Variants in ROCK1 observed in about 807,000 individuals in gnomAD.
ROCK1 encodes Rho associated coiled-coil containing protein kinase 1, also known as rho-associated protein kinase 1.
In ROCK1, 36 loss-of-function variants were observed where a neutral mutation model predicts 196.8. That is an observed-to-expected ratio of 0.18 (90% CI 0.14 to 0.24). The LOEUF (loss-of-function observed/expected upper bound fraction) is 0.24, where lower values mean the gene tolerates loss of function less well. ROCK1 is among the 10% of genes least tolerant of loss of function. The probability of loss-of-function intolerance (pLI) is 1.00; values close to 1 mark genes in which losing one functional copy is unlikely to be tolerated. For synonymous variants in ROCK1, 443 were observed against 515.9 expected (o/e 0.86, Z 1.91); for missense variants, 920 against 1,562.0 (o/e 0.59, Z 6.93).
intron 16 of ROCK1, among the ~76,000 whole-genome samples, chr18:20,997,930 G>A (rs760677908): frequency 2.0e-5 from 3 of 151,052 alleles, no homozygotes; most frequent in African/African-American, 4.9e-5. Flanking sequence ...TCCGACTCCC[G>A]GGTTCAAGCG....
chr18:20,974,174 A>C (rs1276924816), intron 22 of ROCK1, among the ~76,000 whole-genome samples: 1 of 152,190 alleles, frequency 6.6e-6, no homozygotes, highest in East Asian at 1.9e-4. Context: ...ATGGTGGTGA[A>C]AGAGAATAGA....
intron 22 of ROCK1, among the ~76,000 whole-genome samples, chr18:20,976,012 AT>A (rs897774712): frequency 3.9e-5 from 6 of 152,090 alleles, no homozygotes; most frequent in Non-Finnish European, 8.8e-5. Context: ...TTGGTAGCTT[AT>A]TGGTTTCCCT....
At chr18:21,012,125 AT>A (rs2035824635) in intron 13 of ROCK1, among the ~76,000 whole-genome samples, 1 of 151,914 alleles carries the variant, frequency 6.6e-6, no homozygotes, top group South Asian at 2.1e-4. Flanking sequence ...TTTTTTTTGT[AT>A]TTTTAGTAAA....
intron 2 of ROCK1, among the ~76,000 whole-genome samples, chr18:21,051,479 A>G (rs1402070264): frequency 2.0e-5 from 3 of 152,052 alleles, no homozygotes; most frequent in Non-Finnish European, 4.4e-5. Flanking sequence ...CAAGTGAACA[A>G]TATAAGCAGA....
chr18:20,956,934 A>G (rs1261051856), intron 29 of ROCK1, among the ~76,000 whole-genome samples: 2 of 152,228 alleles, frequency 1.3e-5, no homozygotes, highest in Non-Finnish European at 2.9e-5. Context: ...ATTATTAGTT[A>G]TGAGGAGAAT....
intron 2 of ROCK1, among the ~76,000 whole-genome samples, chr18:21,060,045 G>A (rs2036275469): frequency 6.6e-6 from 1 of 152,200 alleles, no homozygotes; most frequent in South Asian, 2.1e-4. Context: ...GGAGAGAAAT[G>A]GAGACTGACT....
At chr18:21,088,879 C>T (rs909856933) in intron 1 of ROCK1, among the ~76,000 whole-genome samples, 3 of 152,088 alleles carry the variant, frequency 2.0e-5, no homozygotes, top group African/African-American at 7.2e-5. Flanking sequence ...AGAACCAAAC[C>T]TGCTGGTGCC....
At chr18:21,017,469 C>T in intron 12 of ROCK1, among the ~76,000 whole-genome samples, 1 of 151,192 alleles carries the variant, frequency 6.6e-6, no homozygotes, top group Non-Finnish European at 1.5e-5. Flanking sequence ...GGATTACAGG[C>T]ATGAGCCACC....
rs934753317 is a variant in ROCK1 at position 20,947,247 on chromosome 18, C to A, written c.*4137G>T. Reference sequence around the variant, plus strand: ...CTCACAAAAATCTGAGTTACATATACTTTGGAGATAATCCATTAGAAAACA... The same window carrying A: ...CTCACAAAAATCTGAGTTACATATAATTTGGAGATAATCCATTAGAAAACA... On this transcript the variant is annotated 3_prime_UTR_variant, in exon 33 of 33. Coordinates refer to ENST00000399799, the MANE Select transcript of ROCK1 (RefSeq NM_005406.3). 6.6e-6 allele frequency: 1 copy of A among 151,752 alleles called. No homozygotes were observed. The highest frequency in any genetic ancestry group is 1.5e-5 in the Non-Finnish European group (1 of 67,952). The allele number at this position is 151,752 out of a possible 1,614,324, so 9.4% of individuals were successfully genotyped here.
chr18:21,111,733 G>C lies in ROCK1; in HGVS notation c.-823C>G, dbSNP rs974399797. The C allele has an allele frequency of 6.5e-6, 1 of 152,770 alleles. No individual in the cohort carries two copies. Among genetic ancestry groups the C allele is most frequent in the African/African-American group, 2.4e-5 (1 of 41,396 alleles). 9.5% of individuals were successfully genotyped at this position (152,770 alleles called of 1,614,324 possible). A position where few individuals can be genotyped will look rare whatever the true frequency, so the allele number is the denominator to read the frequency against. ...GGGCGAGTCGCGGCGGCGAATGCCT[G>C]GGGGGTGGGGCGAGGGGGGCTGAGA... On this transcript the variant is annotated 5_prime_UTR_variant, in exon 1 of 33. Coordinates refer to ENST00000399799, the MANE Select transcript of ROCK1 (RefSeq NM_005406.3). The surrounding 1 kb of genome is among the most constrained non-coding windows in gnomAD (Gnocchi z 4.2).
intron 5 of ROCK1, 60 bp downstream of exon 5, chr18:21,045,232 A>C (rs2036145684): frequency 7.0e-7 from 1 of 1,421,748 alleles, no homozygotes; most frequent in Admixed American, 2.2e-5. Flanking sequence ...AGAAATGTTA[A>C]AGTTATTTTT....
intron 10 of ROCK1, 30 bp downstream of exon 10, chr18:21,028,746 A>T: frequency 6.5e-7 from 1 of 1,546,430 alleles, no homozygotes; most frequent in South Asian, 1.2e-5. Context: ...ATCAGCACTT[A>T]CTCCTATAAT....
chr18:21,106,003 C>T (rs2036699856), intron 1 of ROCK1, among the ~76,000 whole-genome samples: 1 of 152,142 alleles, frequency 6.6e-6, no homozygotes, highest in Non-Finnish European at 1.5e-5. Flanking sequence ...CAAAGACTAA[C>T]ACCAGAAATT....
intron 32 of ROCK1, among the ~76,000 whole-genome samples, chr18:20,952,788 A>C (rs1176206825): frequency 2.0e-5 from 3 of 151,990 alleles, no homozygotes; most frequent in Admixed American, 6.6e-5. Flanking sequence ...AAAAAACAAA[A>C]AAAAAAAGGG....
intron 1 of ROCK1, among the ~76,000 whole-genome samples, chr18:21,086,435 G>T (rs1199104825): frequency 6.6e-6 from 1 of 152,008 alleles, no homozygotes; most frequent in Non-Finnish European, 1.5e-5. Flanking sequence ...TTAAAACTCA[G>T]CTAATTGTTA....
intron 18 of ROCK1, among the ~76,000 whole-genome samples, chr18:20,987,410 A>G (rs1442938844): frequency 6.6e-6 from 1 of 152,194 alleles, no homozygotes; most frequent in Non-Finnish European, 1.5e-5. Context: ...TATAGCTAGA[A>G]AGGAAGTGAA....
At chr18:21,031,672 T>C (rs1244175188) in intron 9 of ROCK1, among the ~76,000 whole-genome samples, 1 of 151,210 alleles carries the variant, frequency 6.6e-6, no homozygotes, top group Non-Finnish European at 1.5e-5. Flanking sequence ...ATATTAGATT[T>C]ACTCAACAAA....
chr18:21,048,470 T>A (rs1333197771), intron 4 of ROCK1, among the ~76,000 whole-genome samples: 1 of 152,140 alleles, frequency 6.6e-6, no homozygotes, highest in Non-Finnish European at 1.5e-5. Context: ...ACGACTTCCC[T>A]CAAATCTAAG....
chr18:20,963,223 A>C (rs1428478638), intron 27 of ROCK1, among the ~76,000 whole-genome samples: 1 of 152,108 alleles, frequency 6.6e-6, no homozygotes, highest in Non-Finnish European at 1.5e-5. Flanking sequence ...TATTACTGCA[A>C]TATCAGCGAT....
Sources: gnomAD v4.1 joint callset for allele counts (sites outside exome capture counted in the v4.1 genomes callset) on GRCh38, gnomAD v4.1.1 for gene constraint, Gnocchi (gnomAD v3.1) non-coding constraint, MANE v1.5 for transcripts, NCBI Gene and HGNC (gene_info 2026-07-23, HGNC 2026-07-21) for gene names.